HABP4: variants seen among roughly 807,000 people sequenced by gnomAD.
The protein encoded by HABP4 is hyaluronan binding protein 4.
A neutral mutation model predicts 44.1 loss-of-function variants in HABP4; 32 were observed. The ratio of observed to expected loss-of-function variants is 0.73; its 90% CI spans 0.55 to 0.97. The LOEUF is 0.97. HABP4 is among the 50% of genes least tolerant of loss of function. HABP4 has a pLI of 0.00. For synonymous variants in HABP4, 216 were observed against 218.0 expected, an observed-to-expected ratio of 0.99 and a Z score of 0.08; for missense variants, 503 against 561.9, an observed-to-expected ratio of 0.90 and a Z score of 1.06.
rs113005860 is a variant in HABP4, at chr9:96,450,443, G to A, written c.164G>A (p.Arg55His). ...AERRRQQQLQ[R>H]KRRDEAAAAA... is the part of the protein sequence containing the mutation. ...CGCCGGCGCCAGCAGCAGCTGCAGC[G>A]CAAGAGGCGCGACGAGGCGGCGGCG... is the stretch of plus-strand genomic sequence containing the variant. Residue 55 changes from arginine to histidine, a missense_variant, in exon 1 of 8, where the codon CGC (arginine) becomes CAC (histidine). Transcript: ENST00000375249. This position sits in a 1 kb window ranked among gnomAD's most constrained non-coding sequence, Gnocchi z 4.8. The A allele has an allele frequency of 7.8e-7, 1 of 1,286,730 alleles. No individual in the cohort carries two copies. The highest frequency in any genetic ancestry group is 2.4e-5 in the South Asian group (1 of 42,084). 79.7% of individuals were successfully genotyped at this position (1,286,730 alleles called of 1,614,324 possible).
Position 96,487,761 on chromosome 9 carries a change from C to A in HABP4, c.1000-328C>A, listed in dbSNP as rs562359284. ...ATATTGTTTGCTATTATTAGTCATG[C>A]CAAATCTTATATCTTAACCTGCTCA... On this transcript the variant is annotated intron_variant, in intron 6 of 7. Coordinates refer to ENST00000375249, the MANE Select transcript of HABP4 (RefSeq NM_014282.4). Among the ~76,000 whole-genome samples the A allele has an allele frequency of 1.3e-3, 197 of 152,280 alleles. 1 individual carries two copies. The Middle Eastern group carries it at 0.02, about 16-fold the overall frequency.
Position 96,489,985 on chromosome 9 carries a change from C to A in HABP4, c.1189C>A (p.Gln397Lys), listed in dbSNP as rs770555199. ...AAGTATTTCTTTTTTTCTTTAGATG[C>A]AAGATGTTGCCCCCAACCCAGATGA... ...NYGPRAEVVM[Q>K]DVAPNPDDPE... The change falls in exon 8 of 8, where the codon CAA (glutamine) becomes AAA (lysine). Residue 397 changes from glutamine to lysine, a missense_variant. By Grantham distance (53) the Gln-to-Lys change is moderately conservative. This residue lies in a region of HABP4 where 82 missense variants were observed against 71.6 expected (regional missense o/e 1.15). Transcript: ENST00000375249. 1.0e-5 allele frequency: 16 copies of A among 1,579,982 alleles called. No homozygotes were observed. Among genetic ancestry groups the A allele is most frequent in the Admixed American group, 1.7e-5 (1 of 59,952 alleles).
At chr9:96,484,285 T>C in intron 5 of HABP4, 177 bp from the exon 6 acceptor site, 1 of 532,400 alleles carries the variant, frequency 1.9e-6, no homozygotes, top group Non-Finnish European at 3.3e-6. Flanking sequence ...AGTGATGACA[T>C]AAAATGTTGA....
chr9:96,452,722 A>C (rs1832307048), intron 1 of HABP4, among the ~76,000 whole-genome samples: 2 of 152,170 alleles, frequency 1.3e-5, no homozygotes, highest in Non-Finnish European at 2.9e-5. Context: ...TCAAGGAGCT[A>C]TTCTCTCAAG....
chr9:96,468,038 C>CA (rs1832632984), intron 4 of HABP4, among the ~76,000 whole-genome samples: 1 of 152,072 alleles, frequency 6.6e-6, no homozygotes, highest in African/African-American at 2.4e-5. Flanking sequence ...CCATGGCACT[C>CA]ATTTTGGATT....
intron 5 of HABP4, among the ~76,000 whole-genome samples, chr9:96,479,256 T>A (rs1300918812): frequency 1.3e-5 from 2 of 152,146 alleles, no homozygotes; most frequent in Non-Finnish European, 2.9e-5. Context: ...CATAAAACAG[T>A]CACAGCATTA....
At chr9:96,467,746 G>A (rs1047921645) in intron 4 of HABP4, among the ~76,000 whole-genome samples, 2 of 151,798 alleles carry the variant, frequency 1.3e-5, no homozygotes, top group African/African-American at 4.8e-5. Flanking sequence ...GGCTGGTCTC[G>A]AACTCCTGAC....
rs755052240 is a variant in HABP4 at position 96,465,392 on chromosome 9, G to A, written c.568G>A (p.Gly190Arg). 9 of 1,609,130 alleles carry A rather than the reference G, an allele frequency of 5.6e-6. No homozygotes were observed. Among genetic ancestry groups the A allele is most frequent in the African/African-American group, 2.7e-5 (2 of 74,808 alleles). Reference protein sequence around the residue: ...RPLRGRGGPRGGMRGRGRGGP... With the variant: ...RPLRGRGGPRRGMRGRGRGGP... ...GTTGAGAGGACGTGGAGGCCCGAGA[G>A]GGGGTATGCGCGGCAGAGGCAGAGG... The change falls in exon 3 of 8, where the codon GGG becomes AGG. Residue 190 changes from glycine to arginine, a missense_variant. This residue lies in a region of HABP4 where 290 missense variants were observed against 300.5 expected (regional missense o/e 0.97). Transcript: ENST00000375249.
At chr9:96,451,579 C>G (rs1442264063) in intron 1 of HABP4, 1 of 560,866 alleles carries the variant, frequency 1.8e-6, no homozygotes, top group Non-Finnish European at 2.3e-6. Flanking sequence ...TTGTTCCTTG[C>G]TTGATAAAAA....
chr9:96,458,265 TCTC>T (rs1361947804), intron 1 of HABP4, 111 bp from the exon 2 acceptor site: 11 of 1,073,562 alleles, frequency 1.0e-5, no homozygotes, highest in African/African-American at 3.1e-5. Context: ...CTTCCTGAAT[TCTC>T]CTATGACGTT....
At position 96,490,776 on chromosome 9, in the gene HABP4, A is replaced by G. The variant is rs916052510; in HGVS notation, c.*738A>G. On this transcript the variant is annotated 3_prime_UTR_variant, in exon 8 of 8. Transcript: ENST00000375249. ...TATTTAACCTGCCAATCAAATGGAA[A>G]GGGATCATGGCAAAAGCAAATACCG... The G allele has an allele frequency of 1.3e-5, 2 of 152,360 alleles. No homozygotes were observed. The highest frequency in any genetic ancestry group is 4.8e-5 in the African/African-American group (2 of 41,588). The allele number at this position is 152,360 out of a possible 1,614,324, so 9.4% of individuals were successfully genotyped here.
At chr9:96,458,251 T>A in intron 1 of HABP4, 128 bp from the exon 2 acceptor site, 1 of 982,846 alleles carries the variant, frequency 1.0e-6, no homozygotes, top group Non-Finnish European at 1.6e-6. Flanking sequence ...TGAAGTTTTC[T>A]AAACTTCCTG....
At chr9:96,481,463 C>T (rs1564168202) in intron 5 of HABP4, among the ~76,000 whole-genome samples, 1 of 152,042 alleles carries the variant, frequency 6.6e-6, no homozygotes, top group African/African-American at 2.4e-5. Flanking sequence ...AGTATATAGG[C>T]CAGGTGTGGT....
rs1481744560 is a variant in HABP4 at position 96,491,146 on chromosome 9, G to A, written c.*1108G>A. On this transcript the variant is annotated 3_prime_UTR_variant, in exon 8 of 8. Transcript: ENST00000375249. ...CAGCTGTAGAGCTGCTAGAAGCTGGGGTGTTGCTCTCCCCGCTTTCTCATA... is the reference window on the plus strand; with the variant it reads ...CAGCTGTAGAGCTGCTAGAAGCTGGAGTGTTGCTCTCCCCGCTTTCTCATA... 6.6e-6 allele frequency: 1 copy of A among 152,218 alleles called. No individual in the cohort carries two copies. The highest frequency in any genetic ancestry group is 2.4e-5 in the African/African-American group (1 of 41,426). 9.4% of individuals were successfully genotyped at this position (152,218 alleles called of 1,614,324 possible).
intron 4 of HABP4, among the ~76,000 whole-genome samples, chr9:96,467,950 T>TTGGCCTTGCTC (rs1443021174): frequency 6.6e-6 from 1 of 152,272 alleles, no homozygotes; most frequent in Non-Finnish European, 1.5e-5. Flanking sequence ...AGGGCCAGCC[T>TTGGCCTTGCTC]TGGCCTTGTA....
chr9:96,463,245 C>T (rs1310798173), intron 2 of HABP4, among the ~76,000 whole-genome samples: 2 of 151,382 alleles, frequency 1.3e-5, no homozygotes, highest in African/African-American at 2.4e-5. Context: ...CACTCCTAGC[C>T]TGCTTTAGTT....
At position 96,450,984 on chromosome 9, in the gene HABP4, A is replaced by G. The variant is rs970715276; in HGVS notation, c.349+356A>G. On this transcript the variant is annotated intron_variant, in intron 1 of 7. Transcript: ENST00000375249. The surrounding 1 kb of genome is among the most constrained non-coding windows in gnomAD (Gnocchi z 4.8). ...ACATCCAGACCTGGCGGGGACCTTC[A>G]TCTTCCAGCCCAGCCTCTGCAAGAT... 1.3e-4 allele frequency among the ~76,000 whole-genome samples: 20 copies of G among 152,162 alleles called. No homozygotes were observed. Among genetic ancestry groups the G allele is most frequent in the Admixed American group, 7.2e-4 (11 of 15,298 alleles).
chr9:96,459,389 C>T (rs1332500651), intron 2 of HABP4, among the ~76,000 whole-genome samples: 3 of 152,078 alleles, frequency 2.0e-5, no homozygotes, highest in East Asian at 1.9e-4. Flanking sequence ...GGACAGAAGT[C>T]GTGGGCTGGT....
chr9:96,490,121 C>T lies in HABP4; in HGVS notation c.*83C>T, dbSNP rs1833063879. ...CCAGCTGGGCCAAGGGAGTCAGACT[C>T]TAAGAACAATAGATGTTGCTTTTCC... is the stretch of plus-strand genomic sequence containing the variant. On this transcript the variant is annotated 3_prime_UTR_variant, in exon 8 of 8. Coordinates refer to ENST00000375249, the MANE Select transcript of HABP4 (RefSeq NM_014282.4). 1.2e-6 allele frequency: 1 copy of T among 845,468 alleles called. No homozygotes were observed. The highest frequency in any genetic ancestry group is 2.1e-6 in the Non-Finnish European group (1 of 484,000). 52.4% of individuals were successfully genotyped at this position (845,468 alleles called of 1,614,324 possible).
Sources: gnomAD v4.1 joint callset for allele counts (sites outside exome capture counted in the v4.1 genomes callset) on GRCh38, gnomAD v4.1.1 for gene constraint, gnomAD v4.1.1 regional missense constraint, Gnocchi (gnomAD v3.1) non-coding constraint, MANE v1.5 for transcripts, NCBI Gene and HGNC (gene_info 2026-07-23, HGNC 2026-07-21) for gene names.